The following UQCRH variants were observed in gnomAD, a reference collection of about 807,000 sequenced individuals.
The protein encoded by UQCRH is cytochrome b-c1 complex subunit 6, mitochondrial.
In UQCRH, 14 loss-of-function variants were observed where a neutral mutation model predicts 16.3. The observed-to-expected ratio is 0.86, with a 90% confidence interval of 0.57 to 1.34. The LOEUF is 1.34. Ranked by LOEUF, UQCRH falls within the 40% of genes most tolerant of loss-of-function variation. UQCRH has a pLI of 0.00. For missense variants in UQCRH, 89 were observed against 111.9 expected (o/e 0.80, Z 0.92); for synonymous variants, 41 against 41.9 (o/e 0.98, Z 0.08).
intron 1 of UQCRH, among the ~76,000 whole-genome samples, chr1:46,306,964 C>A (rs979535915): frequency 6.6e-6 from 1 of 152,174 alleles, no homozygotes; most frequent in Non-Finnish European, 1.5e-5. Flanking sequence ...TAGCTCACTG[C>A]AGCCTCAAAC....
intron 3 of UQCRH, among the ~76,000 whole-genome samples, chr1:46,313,642 CAGAT>C (rs140722553): frequency 0.051 from 7,469 of 145,822 alleles, 240 homozygotes; most frequent in Admixed American, 0.11. Context: ...AAAATATAGA[CAGAT>C]AGATAGATAG....
At chr1:46,305,161 T>C (rs1661343762) in intron 1 of UQCRH, among the ~76,000 whole-genome samples, 3 of 150,982 alleles carry the variant, frequency 2.0e-5, no homozygotes, top group Admixed American at 2.0e-4. Context: ...ACAAAAAATA[T>C]AAAAATTAGC....
chr1:46,313,242 A>G (rs1661513009), intron 3 of UQCRH, among the ~76,000 whole-genome samples: 1 of 152,194 alleles, frequency 6.6e-6, no homozygotes, highest in Admixed American at 6.5e-5. Flanking sequence ...TTGTAATCGC[A>G]GAACTTTGCG....
chr1:46,311,320 G>GGGAGGCGGAGGC (rs148292502), intron 3 of UQCRH, among the ~76,000 whole-genome samples: 158 of 148,856 alleles, frequency 1.1e-3, no homozygotes, highest in Non-Finnish European at 1.1e-3. Flanking sequence ...CCAGCACTTT[G>GGGAGGCGGAGGC]GGAGGCGGAG....
chr1:46,310,860 G>A (rs1412718944), intron 3 of UQCRH, among the ~76,000 whole-genome samples: 1 of 151,812 alleles, frequency 6.6e-6, no homozygotes, highest in Non-Finnish European at 1.5e-5. Context: ...GAGGTCAGGA[G>A]ATCGAGACCA....
At position 46,310,131 on chromosome 1, in the gene UQCRH, GTTTT is replaced by G; in HGVS notation, c.82-19_82-16del. On this transcript the variant is annotated intron_variant, in intron 2 of 3. Coordinates refer to ENST00000311672, the MANE Select transcript of UQCRH (RefSeq NM_006004.4). The stretch of plus-strand genomic sequence containing the variant: ...GGTCTCTGCTAAAAATGCCCATTTT[GTTTT>G]TTTTCTGTTTCTACATCAGGATCCC... 6.2e-7 allele frequency: 1 copy of G among 1,613,798 alleles called. No individual in the cohort carries two copies. The highest frequency in any genetic ancestry group is 1.7e-5 in the Admixed American group (1 of 59,978).
At chr1:46,314,290 C>T (rs867716411) in intron 3 of UQCRH, among the ~76,000 whole-genome samples, 16 of 148,920 alleles carry the variant, frequency 1.1e-4, no homozygotes, top group Middle Eastern at 7.1e-3. Context: ...GGCATGAACC[C>T]GGGAGGCGGA....
intron 3 of UQCRH, among the ~76,000 whole-genome samples, chr1:46,312,754 A>G (rs917664750): frequency 1.3e-5 from 2 of 152,032 alleles, no homozygotes; most frequent in Admixed American, 6.6e-5. Context: ...TGACTCTTAC[A>G]TATAACACAG....
chr1:46,314,739 TTAAAC>T (rs1296940447), intron 3 of UQCRH, among the ~76,000 whole-genome samples: 1 of 150,926 alleles, frequency 6.6e-6, no homozygotes, highest in African/African-American at 2.4e-5. Context: ...CTTGGAGACA[TTAAAC>T]TAAGTGTCAA....
Position 46,316,544 on chromosome 1 carries a change from C to T in UQCRH, c.244-8C>T. On this transcript the variant is annotated splice_polypyrimidine_tract_variant and splice_region_variant and intron_variant, in intron 3 of 3. Coordinates refer to ENST00000311672, the MANE Select transcript of UQCRH (RefSeq NM_006004.4). Reference sequence around the variant, plus strand: ...AATTGATTACCTCCTTTTCTTTCCCCCATCTAGGTGGCCCACAAACTCTTT... The same window carrying T: ...AATTGATTACCTCCTTTTCTTTCCCTCATCTAGGTGGCCCACAAACTCTTT... The T allele has an allele frequency of 6.2e-7, 1 of 1,613,384 alleles. No homozygotes were observed. Among genetic ancestry groups the T allele is most frequent in the Non-Finnish European group, 8.5e-7 (1 of 1,179,740 alleles).
At chr1:46,309,995 T>C in intron 2 of UQCRH, 160 bp from the exon 3 acceptor site, 1 of 1,490,520 alleles carries the variant, frequency 6.7e-7, no homozygotes, top group Non-Finnish European at 8.9e-7. Flanking sequence ...GGAGACCGCA[T>C]TCTGCCATTT....
At chr1:46,309,670 TAAAAA>T in intron 2 of UQCRH, 4 of 161,664 alleles carry the variant, frequency 2.5e-5, no homozygotes, top group East Asian at 1.9e-4. Context: ...AACTCCGTCT[TAAAAA>T]AAAAAAAAAA....
At chr1:46,307,311 C>A (rs1339031260) in intron 1 of UQCRH, among the ~76,000 whole-genome samples, 1 of 152,176 alleles carries the variant, frequency 6.6e-6, no homozygotes, top group East Asian at 1.9e-4. Context: ...TCCCAAAGTG[C>A]TGGGATTACA....
At chr1:46,313,369 C>A (rs1239755662) in intron 3 of UQCRH, among the ~76,000 whole-genome samples, 2 of 152,162 alleles carry the variant, frequency 1.3e-5, no homozygotes, top group Admixed American at 1.3e-4. Flanking sequence ...TGGCTCACGC[C>A]TGTAATCCCA....
At position 46,310,943 on chromosome 1, in the gene UQCRH, T is replaced by G. The variant is rs1397341267; in HGVS notation, c.243+627T>G. On this transcript the variant is annotated intron_variant, in intron 3 of 3. Coordinates refer to ENST00000311672, the MANE Select transcript of UQCRH (RefSeq NM_006004.4). Reference sequence around the variant, plus strand: ...TTAGCTGGGCGCGGTGGCGGGCGCCTGTAGTCCCAGCTACTCGGGAGGCTG... The same window carrying G: ...TTAGCTGGGCGCGGTGGCGGGCGCCGGTAGTCCCAGCTACTCGGGAGGCTG... Among the ~76,000 whole-genome samples the G allele has an allele frequency of 5.9e-5, 9 of 151,968 alleles. No individual in the cohort carries two copies. In the East Asian group the frequency reaches 1.8e-3, roughly 30 times the overall value.
chr1:46,316,707 T>A lies in UQCRH; in HGVS notation c.*123T>A. The A allele has an allele frequency of 7.0e-7, 1 of 1,423,926 alleles. No homozygotes were observed. The highest frequency in any genetic ancestry group is 1.4e-5 in the South Asian group (1 of 73,138). 88.2% of individuals were successfully genotyped at this position (1,423,926 alleles called of 1,614,324 possible). A position where few individuals can be genotyped will look rare whatever the true frequency, so the allele number is the denominator to read the frequency against. On this transcript the variant is annotated 3_prime_UTR_variant, in exon 4 of 4. Transcript: ENST00000311672. Reference sequence around the variant, plus strand: ...TAAGTTCACATGAACCTCATGGGTTTGGCTTAGGCTGGTAGCTTCTATGTA... The same window carrying A: ...TAAGTTCACATGAACCTCATGGGTTAGGCTTAGGCTGGTAGCTTCTATGTA...
chr1:46,315,692 T>C (rs1251533864), intron 3 of UQCRH, among the ~76,000 whole-genome samples: 1 of 151,950 alleles, frequency 6.6e-6, no homozygotes, highest in Non-Finnish European at 1.5e-5. Flanking sequence ...ACAAAATAAG[T>C]ACTGAACATG....
In UQCRH at chr1:46,316,638, C is replaced by T; in HGVS notation, c.*54C>T. 1.9e-6 allele frequency: 3 copies of T among 1,607,954 alleles called. No individual in the cohort carries two copies. ...CATCATCTGGGCATCAGAATATTTC[C>T]TTATGGTTTTGGATGTACCATTTGT... On this transcript the variant is annotated 3_prime_UTR_variant, in exon 4 of 4. Coordinates refer to ENST00000311672, the MANE Select transcript of UQCRH (RefSeq NM_006004.4).
chr1:46,315,180 C>A (rs906821742), intron 3 of UQCRH, among the ~76,000 whole-genome samples: 1 of 152,084 alleles, frequency 6.6e-6, no homozygotes, highest in African/African-American at 2.4e-5. Context: ...TGCGGTGGCT[C>A]ACGCCTGTAA....
Sources: allele counts gnomAD v4.1 joint callset (sites outside exome capture counted in the v4.1 genomes callset), GRCh38; gene constraint gnomAD v4.1.1; transcripts MANE v1.5; gene names NCBI Gene and HGNC (gene_info 2026-07-23, HGNC 2026-07-21).